Variants in TPST1 observed in about 807,000 individuals in gnomAD.
TPST1 encodes the protein protein-tyrosine sulfotransferase 1.
TPST1 carries 20 observed loss-of-function variants against 34.8 expected under a neutral mutation model. The observed-to-expected ratio is 0.57, with a 90% CI of 0.40 to 0.84. The LOEUF (loss-of-function observed/expected upper bound fraction) is 0.84, where lower values mean the gene tolerates loss of function less well. TPST1 is among the 40% of genes least tolerant of loss of function. The pLI is 0.00. For missense variants in TPST1, 353 were observed against 455.5 expected, an observed-to-expected ratio of 0.78 and a Z score of 2.05; for synonymous variants, 152 against 159.4, an observed-to-expected ratio of 0.95 and a Z score of 0.35.
chr7:66,224,177 C>G (rs1789602104), intron 1 of TPST1, among the ~76,000 whole-genome samples: 1 of 152,192 alleles, frequency 6.6e-6, no homozygotes. Context: ...ATGGCTCTTG[C>G]AACAATGGTT....
chr7:66,270,981 A>AT (rs1458644427), intron 2 of TPST1, among the ~76,000 whole-genome samples: 1 of 152,118 alleles, frequency 6.6e-6, no homozygotes, highest in Non-Finnish European at 1.5e-5. Flanking sequence ...TTGCCTCTAT[A>AT]TTTTTTGGTT....
intron 1 of TPST1, among the ~76,000 whole-genome samples, chr7:66,210,982 C>T (rs920764725): frequency 6.6e-6 from 1 of 152,024 alleles, no homozygotes; most frequent in Non-Finnish European, 1.5e-5. Context: ...CTGCCACACA[C>T]ACGCGCGCGC....
At chr7:66,322,187 T>C (rs1398126032) in intron 3 of TPST1, among the ~76,000 whole-genome samples, 1 of 152,234 alleles carries the variant, frequency 6.6e-6, no homozygotes, top group Non-Finnish European at 1.5e-5. Flanking sequence ...AGTTTATTGC[T>C]TTACCTTTCT....
At chr7:66,262,457 G>A (rs568023785) in intron 2 of TPST1, among the ~76,000 whole-genome samples, 32 of 152,140 alleles carry the variant, frequency 2.1e-4, no homozygotes, top group South Asian at 1.7e-3. Context: ...TGATGATTCC[G>A]CCCCCACATT....
intron 2 of TPST1, among the ~76,000 whole-genome samples, chr7:66,245,822 T>G (rs977575360): frequency 2.6e-5 from 4 of 152,172 alleles, no homozygotes; most frequent in African/African-American, 9.7e-5. Context: ...GCAGGCAAAT[T>G]AGGATCACCT....
intron 5 of TPST1, among the ~76,000 whole-genome samples, chr7:66,358,103 G>A (rs1179489734): frequency 1.3e-5 from 2 of 151,780 alleles, no homozygotes; most frequent in Non-Finnish European, 2.9e-5. Flanking sequence ...AAAATTGGCT[G>A]GGCGTGGTGG....
At chr7:66,256,330 A>G (rs889454118) in intron 2 of TPST1, among the ~76,000 whole-genome samples, 1 of 152,220 alleles carries the variant, frequency 6.6e-6, no homozygotes, top group African/African-American at 2.4e-5. Flanking sequence ...CTGTGTAGTA[A>G]GTTACCCCAG....
intron 2 of TPST1, among the ~76,000 whole-genome samples, chr7:66,278,100 CAAAAAAAAAAAAA>C (rs35654351): frequency 1.6e-4 from 8 of 50,258 alleles, no homozygotes; most frequent in South Asian, 1.3e-3. Flanking sequence ...GACTCCATCT[CAAAAAAAAAAAAA>C]AAAAAAAAAA....
upstream of TPST1, among the ~76,000 whole-genome samples, chr7:66,200,675 C>T (rs1020973498): frequency 2.0e-5 from 3 of 152,082 alleles, no homozygotes; most frequent in African/African-American, 7.2e-5. Context: ...CCGCTTCGGC[C>T]TCCCAAAGTG....
intron 3 of TPST1, among the ~76,000 whole-genome samples, chr7:66,328,859 G>GCTCTCTCT (rs755431410): frequency 0.026 from 473 of 18,348 alleles, 29 homozygotes; most frequent in African/African-American, 0.048. Flanking sequence ...TCTCTCTCCC[G>GCTCTCTCT]CTCTCTCTCT....
At chr7:66,251,663 A>G (rs1026146622) in intron 2 of TPST1, among the ~76,000 whole-genome samples, 1 of 152,174 alleles carries the variant, frequency 6.6e-6, no homozygotes, top group Non-Finnish European at 1.5e-5. Context: ...TAATCTCTGA[A>G]ACTACTTGGA....
chr7:66,256,549 T>C (rs1790387354), intron 2 of TPST1, among the ~76,000 whole-genome samples: 1 of 152,186 alleles, frequency 6.6e-6, no homozygotes. Context: ...TGCTGTGTGT[T>C]TCTGTATATG....
chr7:66,229,955 G>A (rs937169193), intron 1 of TPST1, among the ~76,000 whole-genome samples: 1 of 152,116 alleles, frequency 6.6e-6, no homozygotes, highest in African/African-American at 2.4e-5. Context: ...TTGGGAGGCC[G>A]AGGCGGGCGG....
At chr7:66,296,182 C>T (rs1584215796) in intron 3 of TPST1, among the ~76,000 whole-genome samples, 1 of 151,064 alleles carries the variant, frequency 6.6e-6, no homozygotes, top group East Asian at 2.0e-4. Flanking sequence ...GAATCTATTT[C>T]ATACACACTT....
At chr7:66,286,342 T>C (rs542675420) in intron 2 of TPST1, among the ~76,000 whole-genome samples, 169 bp from the exon 3 acceptor site, 2 of 152,338 alleles carry the variant, frequency 1.3e-5, no homozygotes, top group East Asian at 3.9e-4. Context: ...CAATCTTAAA[T>C]TATTTTTTAA....
At position 66,254,872 on chromosome 7, in the gene TPST1, G is replaced by A. The variant is rs181964878; in HGVS notation, c.845+13602G>A. On this transcript the variant is annotated intron_variant, in intron 2 of 5. Coordinates refer to ENST00000304842, the MANE Select transcript of TPST1 (RefSeq NM_003596.4). ...ATTTTAAAACAGTTGTTGTTGCCAGGCGTGGTGGCTCACGCCTGTAATCCC... is the reference window on the plus strand; with the variant it reads ...ATTTTAAAACAGTTGTTGTTGCCAGACGTGGTGGCTCACGCCTGTAATCCC... 2.2e-3 allele frequency among the ~76,000 whole-genome samples: 332 copies of A among 152,248 alleles called. 2 individuals carry two copies. The highest frequency in any genetic ancestry group is 7.6e-3 in the African/African-American group (314 of 41,554).
In TPST1 at chr7:66,223,688, AT is replaced by A. The variant is rs371142060; in HGVS notation, c.-101-16631del. 1.7e-3 allele frequency among the ~76,000 whole-genome samples: 255 copies of A among 152,234 alleles called. 10 individuals carry two copies. In the South Asian group the frequency reaches 0.052, roughly 31 times the overall value. ...AGAAGTTTGGAACTTGGTAACTTCA[AT>A]TTTTTATTTTGTTTTATTTCATTTT... On this transcript the variant is annotated intron_variant, in intron 1 of 5. Coordinates refer to ENST00000304842, the MANE Select transcript of TPST1 (RefSeq NM_003596.4).
intron 1 of TPST1, among the ~76,000 whole-genome samples, chr7:66,218,373 A>G (rs1789469082): frequency 6.6e-6 from 1 of 152,240 alleles, no homozygotes; most frequent in African/African-American, 2.4e-5. Context: ...AAGGCAGATG[A>G]TAAATCATAC....
At chr7:66,352,077 A>T (rs1291518772) in intron 3 of TPST1, among the ~76,000 whole-genome samples, 2 of 152,236 alleles carry the variant, frequency 1.3e-5, no homozygotes, top group Admixed American at 6.5e-5. Flanking sequence ...GAGAAAAGTA[A>T]AGTTGGATTA....
Sources: allele counts gnomAD v4.1 joint callset (sites outside exome capture counted in the v4.1 genomes callset), GRCh38; gene constraint gnomAD v4.1.1; transcripts MANE v1.5; gene names NCBI Gene and HGNC (gene_info 2026-07-23, HGNC 2026-07-21).